The following RABGAP1L variants were observed in gnomAD, a reference collection of about 807,000 sequenced individuals.
RABGAP1L encodes rab GTPase-activating protein 1-like.
Under a neutral mutation model 137.7 loss-of-function variants are expected in RABGAP1L, and 63 were observed. The ratio of observed to expected loss-of-function variants is 0.46; its 90% CI spans 0.37 to 0.56. The LOEUF is 0.56. RABGAP1L is among the 20% of genes least tolerant of loss of function. The pLI, the probability that RABGAP1L is intolerant of heterozygous loss-of-function variation, is 0.00. For synonymous variants in RABGAP1L, 431 were observed against 433.7 expected (o/e 0.99, Z 0.08); for missense variants, 1,095 against 1,244.0 (o/e 0.88, Z 1.80).
At chr1:174,614,424 G>C (rs1671588944) in intron 13 of RABGAP1L, among the ~76,000 whole-genome samples, 1 of 152,170 alleles carries the variant, frequency 6.6e-6, no homozygotes, top group Admixed American at 6.5e-5. Flanking sequence ...CTTCTGGCTT[G>C]TAGACTTTCT....
chr1:174,293,951 C>T (rs559363365), intron 10 of RABGAP1L, among the ~76,000 whole-genome samples: 11 of 152,120 alleles, frequency 7.2e-5, no homozygotes, highest in Admixed American at 3.3e-4. Flanking sequence ...TCAGAAGCAG[C>T]ACTCACTCAT....
chr1:174,222,792 T>C (rs142802077), intron 3 of RABGAP1L, among the ~76,000 whole-genome samples: 3,458 of 152,138 alleles, frequency 0.023, 59 homozygotes, highest in Middle Eastern at 0.088. Context: ...GTGAAAAAAT[T>C]CTCATGATTG....
At chr1:174,921,279 A>G (rs2149228350) in intron 19 of RABGAP1L, among the ~76,000 whole-genome samples, 1 of 152,166 alleles carries the variant, frequency 6.6e-6, no homozygotes, top group East Asian at 1.9e-4. Context: ...CACTAATAGC[A>G]CATTACTAAT....
intron 11 of RABGAP1L, among the ~76,000 whole-genome samples, chr1:174,355,273 C>T (rs533692698): frequency 6.6e-6 from 1 of 151,924 alleles, no homozygotes; most frequent in Admixed American, 6.5e-5. Flanking sequence ...CCATGGAATA[C>T]TATGCAGCCA....
At chr1:174,575,385 C>T (rs191917179) in intron 13 of RABGAP1L, among the ~76,000 whole-genome samples, 111 of 152,260 alleles carry the variant, frequency 7.3e-4, no homozygotes, top group African/African-American at 2.3e-3. Context: ...ATGGAGACTA[C>T]TGGGGGAAGT....
chr1:174,866,910 C>CAA (rs199983685), intron 19 of RABGAP1L, among the ~76,000 whole-genome samples: 22 of 142,526 alleles, frequency 1.5e-4, no homozygotes, highest in South Asian at 4.5e-4. Flanking sequence ...GACCCTGTCT[C>CAA]AAAAAAAAAA....
intron 13 of RABGAP1L, among the ~76,000 whole-genome samples, chr1:174,469,073 A>C (rs961791790): frequency 6.6e-6 from 1 of 152,180 alleles, no homozygotes; most frequent in Non-Finnish European, 1.5e-5. Flanking sequence ...TGTGTTAAGT[A>C]TATGCTTATG....
chr1:174,489,556 T>A (rs1173632723), intron 13 of RABGAP1L, among the ~76,000 whole-genome samples: 1 of 151,066 alleles, frequency 6.6e-6, no homozygotes, highest in Non-Finnish European at 1.5e-5. Context: ...TGTGGAGAAA[T>A]AGGAACACTT....
intron 13 of RABGAP1L, among the ~76,000 whole-genome samples, chr1:174,400,265 G>A (rs1449404785): frequency 6.6e-6 from 1 of 151,848 alleles, no homozygotes. Flanking sequence ...AAATATATTC[G>A]ATTTTGTGAC....
intron 1 of RABGAP1L, among the ~76,000 whole-genome samples, chr1:174,161,813 C>G (rs1664482568): frequency 6.6e-6 from 1 of 152,182 alleles, no homozygotes; most frequent in Admixed American, 6.5e-5. Flanking sequence ...ACTGCAGCCA[C>G]GAAGTTCTGG....
chr1:174,851,606 C>T (rs1648356696), intron 19 of RABGAP1L, among the ~76,000 whole-genome samples: 1 of 152,008 alleles, frequency 6.6e-6, no homozygotes, highest in African/African-American at 2.4e-5. Context: ...CTTGACCTTC[C>T]AGGCTCAAGC....
intron 13 of RABGAP1L, among the ~76,000 whole-genome samples, chr1:174,585,425 A>G (rs573520392): frequency 1.0e-3 from 159 of 152,310 alleles, no homozygotes; most frequent in African/African-American, 3.6e-3. Flanking sequence ...TAAGGCACAT[A>G]AAAATAAATC....
intron 19 of RABGAP1L, among the ~76,000 whole-genome samples, chr1:174,917,528 TTCTAAACTG>T (rs2149215991): frequency 6.6e-6 from 1 of 152,330 alleles, no homozygotes; most frequent in East Asian, 1.9e-4. Flanking sequence ...TAAATGTTAT[TTCTAAACTG>T]AAAATGCCAT....
chr1:174,547,900 A>G (rs746026075), intron 13 of RABGAP1L: 79 of 1,549,498 alleles, frequency 5.1e-5, no homozygotes, highest in South Asian at 3.5e-4. Flanking sequence ...TGAAGGGTCT[A>G]TGAAGGTCTC....
chr1:174,704,317 C>G (rs973159578), intron 17 of RABGAP1L, among the ~76,000 whole-genome samples: 1 of 152,128 alleles, frequency 6.6e-6, no homozygotes, highest in African/African-American at 2.4e-5. Context: ...TTTAATCACA[C>G]TAGGAATTAG....
chr1:174,598,301 C>T (rs1670130948), intron 13 of RABGAP1L, among the ~76,000 whole-genome samples: 1 of 142,890 alleles, frequency 7.0e-6, no homozygotes, highest in Non-Finnish European at 1.5e-5. Context: ...GCACTCCAGC[C>T]TGGCAGCAGA....
chr1:174,536,000 A>G (rs980198869), intron 13 of RABGAP1L, among the ~76,000 whole-genome samples: 26 of 152,178 alleles, frequency 1.7e-4, no homozygotes, highest in Non-Finnish European at 1.8e-4. Context: ...AATGAATGTG[A>G]TAGCATAATG....
intron 18 of RABGAP1L, among the ~76,000 whole-genome samples, chr1:174,789,374 G>A (rs1033797510): frequency 3.9e-5 from 6 of 151,906 alleles, no homozygotes; most frequent in African/African-American, 1.5e-4. Context: ...TGGGTTCAGG[G>A]GATTAAAACA....
At chr1:174,530,433 C>T (rs532995944) in intron 13 of RABGAP1L, among the ~76,000 whole-genome samples, 1 of 152,120 alleles carries the variant, frequency 6.6e-6, no homozygotes, top group Non-Finnish European at 1.5e-5. Flanking sequence ...TCTTTCCCCT[C>T]CTTAGAGCAG....
Sources: gnomAD v4.1 joint callset for allele counts (sites outside exome capture counted in the v4.1 genomes callset) on GRCh38, gnomAD v4.1.1 for gene constraint, MANE v1.5 for transcripts, NCBI Gene and HGNC (gene_info 2026-07-23, HGNC 2026-07-21) for gene names.